The following GRIK2 variants were observed in gnomAD, a reference collection of about 807,000 sequenced individuals.
The protein encoded by GRIK2 is glutamate receptor ionotropic, kainate 2.
In GRIK2, 32 loss-of-function variants were observed where a neutral mutation model predicts 100.3. That is an observed-to-expected ratio of 0.32 (90% CI 0.24 to 0.43). GRIK2 has a LOEUF of 0.43. Among genes scored for constraint, GRIK2 ranks in the 20% least tolerant of loss-of-function variants. The probability of loss-of-function intolerance (pLI) is 1.00; values close to 1 mark genes in which losing one functional copy is unlikely to be tolerated. For missense variants in GRIK2, 843 were observed against 1,114.9 expected, an observed-to-expected ratio of 0.76 and a Z score of 3.47; for synonymous variants, 417 against 389.4, an observed-to-expected ratio of 1.07 and a Z score of -0.83.
intron 14 of GRIK2, among the ~76,000 whole-genome samples, chr6:101,946,067 C>A (rs551205108): frequency 2.0e-4 from 30 of 151,618 alleles, no homozygotes; most frequent in African/African-American, 7.3e-4. Flanking sequence ...TTTACATACC[C>A]TAATTGTTAC....
chr6:101,755,777 C>A (rs1162623282), intron 7 of GRIK2, among the ~76,000 whole-genome samples: 2 of 152,078 alleles, frequency 1.3e-5, no homozygotes, highest in African/African-American at 4.8e-5. Context: ...TACAATATGA[C>A]AAAGTGGTAA....
intron 14 of GRIK2, among the ~76,000 whole-genome samples, chr6:101,941,263 C>T (rs1412079740): frequency 3.3e-5 from 5 of 151,854 alleles, no homozygotes; most frequent in Non-Finnish European, 7.4e-5. Flanking sequence ...TGAAGTTACA[C>T]TATTAAGAAG....
chr6:101,792,399 C>A (rs1207921148), intron 7 of GRIK2, among the ~76,000 whole-genome samples: 1 of 151,656 alleles, frequency 6.6e-6, no homozygotes, highest in East Asian at 1.9e-4. Context: ...TTAGAGCAGG[C>A]CTGGTGGTGA....
At chr6:101,532,538 CTTT>C (rs34312287) in intron 2 of GRIK2, among the ~76,000 whole-genome samples, 16 of 146,180 alleles carry the variant, frequency 1.1e-4, no homozygotes, top group African/African-American at 4.0e-4. Flanking sequence ...CTGGGGAGAC[CTTT>C]TTTTTTTTTA....
intron 7 of GRIK2, among the ~76,000 whole-genome samples, chr6:101,694,174 C>A (rs1002955443): frequency 2.6e-5 from 4 of 152,050 alleles, no homozygotes; most frequent in African/African-American, 9.7e-5. Context: ...ATGAATGTGA[C>A]CTTGAAAAAC....
At chr6:101,578,834 T>C (rs182940609) in intron 2 of GRIK2, among the ~76,000 whole-genome samples, 6 of 152,296 alleles carry the variant, frequency 3.9e-5, no homozygotes, top group Non-Finnish European at 5.9e-5. Flanking sequence ...GAATATCTAC[T>C]ATACATCCAG....
At chr6:102,009,619 A>AACTT (rs1481929153) in intron 14 of GRIK2, among the ~76,000 whole-genome samples, 3 of 152,110 alleles carry the variant, frequency 2.0e-5, no homozygotes, top group African/African-American at 7.2e-5. Flanking sequence ...TACTCCCTAA[A>AACTT]ACTTTATATA....
chr6:101,562,454 T>C (rs1777065889), intron 2 of GRIK2, among the ~76,000 whole-genome samples: 1 of 152,100 alleles, frequency 6.6e-6, no homozygotes, highest in Non-Finnish European at 1.5e-5. Context: ...TTCTCCTGCT[T>C]GAGCCTCCTG....
In GRIK2 at chr6:101,807,974, C is replaced by G. The variant is rs1361322105; in HGVS notation, c.1203+5536C>G. On this transcript the variant is annotated intron_variant, in intron 9 of 16. Transcript: ENST00000369134. The stretch of plus-strand genomic sequence containing the variant: ...TACTTGTGAGGAAATATAAAAACAT[C>G]ATCACCAACAATAAAATTGTTTTTT... Among the ~76,000 whole-genome samples, 6 of 151,988 alleles carry G rather than the reference C, an allele frequency of 3.9e-5. No individual in the cohort carries two copies. The East Asian group carries it at 1.2e-3, about 29-fold the overall frequency.
chr6:101,893,264 T>A (rs1237675165), intron 12 of GRIK2, among the ~76,000 whole-genome samples: 3 of 151,526 alleles, frequency 2.0e-5, no homozygotes, highest in African/African-American at 4.8e-5. Flanking sequence ...TCCATAACAA[T>A]TATAGATAAA....
At chr6:101,878,850 C>T (rs2791842) in intron 11 of GRIK2, among the ~76,000 whole-genome samples, 13,054 of 152,024 alleles carry the variant, frequency 0.086, 639 homozygotes, top group African/African-American at 0.093. Context: ...TTTTAAGAGT[C>T]TGGTTCAGAT....
At chr6:101,651,785 C>A (rs1781806621) in intron 4 of GRIK2, among the ~76,000 whole-genome samples, 2 of 152,026 alleles carry the variant, frequency 1.3e-5, no homozygotes, top group Non-Finnish European at 2.9e-5. Flanking sequence ...ATGGAGTAGG[C>A]AGTTGGATAT....
intron 9 of GRIK2, among the ~76,000 whole-genome samples, chr6:101,803,062 T>G (rs1780771023): frequency 6.6e-6 from 1 of 151,892 alleles, no homozygotes; most frequent in Admixed American, 6.6e-5. Context: ...GATATTTTTC[T>G]GATAGATTCA....
chr6:101,831,991 G>A (rs999302395), intron 10 of GRIK2, among the ~76,000 whole-genome samples: 2 of 151,760 alleles, frequency 1.3e-5, no homozygotes, highest in Non-Finnish European at 1.5e-5. Flanking sequence ...CACAAGCTTG[G>A]TATCATCTGT....
In GRIK2 at chr6:101,803,552, A is replaced by T. The variant is rs1306602835; in HGVS notation, c.1203+1114A>T. 4.0e-5 allele frequency among the ~76,000 whole-genome samples: 6 copies of T among 151,824 alleles called. No individual in the cohort carries two copies. The East Asian group carries it at 1.2e-3, about 29-fold the overall frequency. On this transcript the variant is annotated intron_variant, in intron 9 of 16. Transcript: ENST00000369134. Reference sequence around the variant, plus strand: ...GAGACAGTCCCTTCCTAACTGTCTCACTCTCCAGATGAGAAAATTAGTCTG... The same window carrying T: ...GAGACAGTCCCTTCCTAACTGTCTCTCTCTCCAGATGAGAAAATTAGTCTG...
At chr6:101,714,029 T>C (rs1773894681) in intron 7 of GRIK2, among the ~76,000 whole-genome samples, 1 of 151,748 alleles carries the variant, frequency 6.6e-6, no homozygotes, top group African/African-American at 2.4e-5. Context: ...GCTTTCTTTT[T>C]AGTAAAATAA....
chr6:101,902,865 C>A (rs1170191018), intron 12 of GRIK2, among the ~76,000 whole-genome samples: 2 of 151,738 alleles, frequency 1.3e-5, no homozygotes, highest in Non-Finnish European at 2.9e-5. Context: ...GAAATAGGTT[C>A]CCTCGCGGGT....
intron 5 of GRIK2, among the ~76,000 whole-genome samples, chr6:101,677,440 A>C (rs1052489767): frequency 2.6e-5 from 4 of 152,086 alleles, no homozygotes; most frequent in Non-Finnish European, 4.4e-5. Context: ...AACAAACAAA[A>C]CCTTCTAAAT....
At chr6:101,907,825 G>T (rs1250067251) in intron 12 of GRIK2, among the ~76,000 whole-genome samples, 2 of 151,576 alleles carry the variant, frequency 1.3e-5, no homozygotes, top group Non-Finnish European at 3.0e-5. Flanking sequence ...TATGTAGTGT[G>T]TAGCAATATG....
Sources: gnomAD v4.1 joint callset for allele counts (sites outside exome capture counted in the v4.1 genomes callset) on GRCh38, gnomAD v4.1.1 for gene constraint, MANE v1.5 for transcripts, NCBI Gene and HGNC (gene_info 2026-07-23, HGNC 2026-07-21) for gene names.